NLRC5: variants seen among roughly 807,000 people sequenced by gnomAD.
NLRC5 encodes the protein NLR family CARD domain containing 5, also known as protein NLRC5.
In NLRC5, 114 loss-of-function variants were observed where a neutral mutation model predicts 206.9. The observed-to-expected ratio is 0.55, with a 90% CI of 0.47 to 0.64. NLRC5 has a LOEUF of 0.64. Ranked by LOEUF, NLRC5 falls within the 30% of genes least tolerant of loss-of-function variation. NLRC5 has a pLI of 0.00. For missense variants in NLRC5, 2,008 were observed against 2,305.5 expected (o/e 0.87, Z 2.64); for synonymous variants, 952 against 962.8 (o/e 0.99, Z 0.21).
chr16:57,018,328 G>A (rs1479998170), intron 2 of NLRC5, among the ~76,000 whole-genome samples: 6 of 152,220 alleles, frequency 3.9e-5, no homozygotes, highest in African/African-American at 7.2e-5. Context: ...TGGCCTGGGA[G>A]GCAAGAAACC....
In NLRC5 at chr16:57,051,392, C is replaced by G; in HGVS notation, c.3423-146C>G. On this transcript the variant is annotated intron_variant, in intron 23 of 48. Transcript: ENST00000688547. The stretch of plus-strand genomic sequence containing the variant: ...AGACCTTCCTCTTCTTCCAGCCTCA[C>G]GGATAACCCATGGACCCAGTGCTGG... 4.5e-6 allele frequency: 3 copies of G among 668,184 alleles called. No individual in the cohort carries two copies. In the South Asian group the frequency reaches 5.4e-5, roughly 12 times the overall value. The allele number at this position is 668,184 out of a possible 1,614,324, so 41.4% of individuals were successfully genotyped here. A position where few individuals can be genotyped will look rare whatever the true frequency, so the allele number is the denominator to read the frequency against.
chr16:57,019,270 A>G (rs2060408492), intron 2 of NLRC5, among the ~76,000 whole-genome samples: 1 of 152,098 alleles, frequency 6.6e-6, no homozygotes, highest in African/African-American at 2.4e-5. Context: ...TGTGGTGTGC[A>G]CCTGTAATCC....
In NLRC5 at chr16:57,020,956, G is replaced by A. The variant is rs1287437815; in HGVS notation, c.244G>A (p.Val82Met). 6.2e-7 allele frequency: 1 copy of A among 1,613,916 alleles called. No homozygotes were observed. The highest frequency in any genetic ancestry group is 8.5e-7 in the Non-Finnish European group (1 of 1,180,006). ...FIHCVCMQLE[V>M]PLDLEVLLLS... ...TCATTGTGTGTGCATGCAGCTGGAG[G>A]TGCCTCTGGACCTGGAGGTGCTGCT... The change falls in exon 3 of 49, where the codon GTG becomes ATG. Residue 82 changes from valine (V) to methionine (M), a missense_variant. Coordinates refer to ENST00000688547, the MANE Select transcript of NLRC5 (RefSeq NM_001384950.1).
chr16:57,059,466 G>A lies in NLRC5; in HGVS notation c.3921-1G>A. ...GCTTCCCCAGGCCCTTCTCTCTGCA[G>A]CCTGGGCTCTGAGCAGAGCTTCCGG... On this transcript the variant is annotated splice_acceptor_variant, in intron 29 of 48. Transcript: ENST00000688547. LOFTEE classifies it high-confidence loss of function. 3 of 1,607,396 alleles carry A rather than the reference G, an allele frequency of 1.9e-6. No homozygotes were observed. The highest frequency in any genetic ancestry group is 2.5e-6 in the Non-Finnish European group (3 of 1,176,940).
intron 1 of NLRC5, among the ~76,000 whole-genome samples, chr16:57,005,671 C>A (rs925892733): frequency 1.6e-4 from 25 of 152,124 alleles, no homozygotes; most frequent in Admixed American, 1.5e-3. Context: ...GTAATCCCAG[C>A]ACTTTGGGAG....
At chr16:57,047,458 A>G (rs1567598384) in intron 22 of NLRC5, 87 bp from the exon 23 acceptor site, 37 of 1,175,288 alleles carry the variant, frequency 3.1e-5, no homozygotes, top group Non-Finnish European at 4.2e-5. Context: ...AGAGTGAGGG[A>G]TGCTGGGAGA....
chr16:57,061,386 T>C (rs899644533), intron 30 of NLRC5, 62 bp from the exon 31 acceptor site: 1 of 1,520,892 alleles, frequency 6.6e-7, no homozygotes, highest in Non-Finnish European at 9.0e-7. Flanking sequence ...GAGGCTGAGA[T>C]GAAGCTGAGC....
intron 4 of NLRC5, among the ~76,000 whole-genome samples, chr16:57,023,374 G>C (rs2060885958): frequency 6.6e-6 from 1 of 152,218 alleles, no homozygotes. Context: ...AACCCTAACA[G>C]AGGAGGGAGG....
intron 21 of NLRC5, among the ~76,000 whole-genome samples, chr16:57,046,230 T>C (rs1318101283): frequency 2.0e-5 from 3 of 152,210 alleles, no homozygotes; most frequent in African/African-American, 7.2e-5. Context: ...AGTCATGTGA[T>C]GCCAAGCAGT....
At chr16:57,072,145 C>G (rs1451442603) in intron 38 of NLRC5, among the ~76,000 whole-genome samples, 1 of 152,180 alleles carries the variant, frequency 6.6e-6, no homozygotes, top group Admixed American at 6.5e-5. Flanking sequence ...TCAGGCTTCT[C>G]TCTCACACAC....
intron 4 of NLRC5, among the ~76,000 whole-genome samples, chr16:57,023,508 G>A (rs1337438793): frequency 1.3e-5 from 2 of 152,184 alleles, no homozygotes; most frequent in African/African-American, 4.8e-5. Context: ...GTTTCTGGGG[G>A]CTGCTGGCTG....
chr16:57,014,927 CT>C (rs11413193), intron 1 of NLRC5, among the ~76,000 whole-genome samples: 17 of 146,522 alleles, frequency 1.2e-4, no homozygotes, highest in African/African-American at 2.0e-4. Flanking sequence ...TTCCTTTTTC[CT>C]TTTTTTTTTT....
At chr16:57,052,051 T>G (rs762167509) in intron 24 of NLRC5, among the ~76,000 whole-genome samples, 10 of 152,196 alleles carry the variant, frequency 6.6e-5, no homozygotes, top group Non-Finnish European at 1.5e-4. Flanking sequence ...TGTACAGATG[T>G]AGGTCCTGTA....
intron 1 of NLRC5, among the ~76,000 whole-genome samples, chr16:57,014,943 G>A (rs1243394833): frequency 2.8e-5 from 4 of 143,674 alleles, no homozygotes; most frequent in Non-Finnish European, 4.6e-5. Flanking sequence ...TTTTTTGTTT[G>A]TTTGAGATGG....
intron 1 of NLRC5, among the ~76,000 whole-genome samples, chr16:57,007,692 G>A (rs937636391): frequency 6.6e-6 from 1 of 152,168 alleles, no homozygotes; most frequent in Non-Finnish European, 1.5e-5. Flanking sequence ...TCGTGCCACT[G>A]TACTCCAGCC....
chr16:57,063,106 C>CTTTTTT (rs34897333), intron 32 of NLRC5, among the ~76,000 whole-genome samples: 3 of 95,074 alleles, frequency 3.2e-5, no homozygotes, highest in Admixed American at 1.4e-4. Context: ...ACTTTCCTTC[C>CTTTTTT]TTTTTTTTTT....
At chr16:57,069,386 C>T (rs1228718175) in intron 36 of NLRC5, among the ~76,000 whole-genome samples, 4 of 152,042 alleles carry the variant, frequency 2.6e-5, no homozygotes, top group African/African-American at 4.8e-5. Context: ...CGCTTGAGCC[C>T]GGGAGTTCGA....
intron 27 of NLRC5, among the ~76,000 whole-genome samples, chr16:57,057,593 T>C (rs1340402013): frequency 1.3e-5 from 2 of 152,174 alleles, no homozygotes; most frequent in African/African-American, 2.4e-5. Context: ...ATTCAAAAAC[T>C]GTGGATCCCA....
In NLRC5 at chr16:57,011,753, A is replaced by G. The variant is rs116446979; in HGVS notation, c.-127-5321A>G. ...AAAAAAAAGAAAAGAAAATTAGACT[A>G]CCATCATAGATGGTACAAACACTTC... On this transcript the variant is annotated intron_variant, in intron 1 of 48. Coordinates refer to ENST00000688547, the MANE Select transcript of NLRC5 (RefSeq NM_001384950.1). 5.0e-3 allele frequency among the ~76,000 whole-genome samples: 759 copies of G among 151,764 alleles called. 5 individuals are homozygous for G. Among genetic ancestry groups the G allele is most frequent in the African/African-American group, 0.017 (716 of 41,404 alleles).
Sources: allele counts gnomAD v4.1 joint callset (sites outside exome capture counted in the v4.1 genomes callset), GRCh38; gene constraint gnomAD v4.1.1; transcripts MANE v1.5; gene names NCBI Gene and HGNC (gene_info 2026-07-23, HGNC 2026-07-21).